CRYBG3: variants seen among roughly 807,000 people sequenced by gnomAD.
CRYBG3 encodes very large A-kinase anchor protein.
A neutral mutation model predicts 244.2 loss-of-function variants in CRYBG3; 127 were observed. The observed-to-expected ratio is 0.52, with a 90% CI of 0.45 to 0.60. The LOEUF is 0.60. Among genes scored for constraint, CRYBG3 ranks in the 20% least tolerant of loss-of-function variants. The probability of loss-of-function intolerance (pLI) is 0.00; values close to 1 mark genes in which losing one functional copy is unlikely to be tolerated. For synonymous variants in CRYBG3, 1,132 were observed against 1,195.8 expected, an observed-to-expected ratio of 0.95 and a Z score of 1.10; for missense variants, 3,325 against 3,442.5, an observed-to-expected ratio of 0.97 and a Z score of 0.85.
chr3:97,877,022 G>A lies in CRYBG3; in HGVS notation c.5828G>A (p.Gly1943Asp). ...ESPTLSKDYE[G>D]YPAPAMPDFQ... Reference sequence around the variant, plus strand: ...CCTACATTAAGTAAGGATTATGAGGGCTACCCAGCCCCAGCAATGCCAGAT... The same window carrying A: ...CCTACATTAAGTAAGGATTATGAGGACTACCCAGCCCCAGCAATGCCAGAT... The change falls in exon 4 of 22, where the codon GGC becomes GAC. Residue 1943 changes from glycine to aspartate, a missense_variant. Gly to Asp is a moderately conservative substitution (Grantham distance 94, BLOSUM62 -1). Around this residue, in one of 4 missense-constraint regions of CRYBG3, gnomAD observed 450 missense variants for 424.1 expected, o/e 1.06. Coordinates refer to ENST00000389622, the MANE Select transcript of CRYBG3 (RefSeq NM_153605.4). 2 of 1,568,286 alleles carry A rather than the reference G, an allele frequency of 1.3e-6. No homozygotes were observed. Among genetic ancestry groups the A allele is most frequent in the Non-Finnish European group, 1.7e-6 (2 of 1,158,836 alleles).
chr3:97,825,565 C>T (rs1028646125), intron 1 of CRYBG3, among the ~76,000 whole-genome samples: 2 of 152,136 alleles, frequency 1.3e-5, no homozygotes, highest in Non-Finnish European at 1.5e-5. Context: ...ATGCTATGGG[C>T]GTTTTGAATG....
At position 97,879,682 on chromosome 3, in the gene CRYBG3, T is replaced by C. The variant is rs1349617156; in HGVS notation, c.6844-22T>C. On this transcript the variant is annotated intron_variant, in intron 4 of 21. Transcript: ENST00000389622. ...TTCACCGATGTTTCTTAAAGCTTAC[T>C]TTTCCACTTTTATTATTTCAGAATG... is the stretch of plus-strand genomic sequence containing the variant. 9 of 1,574,148 alleles carry C rather than the reference T, an allele frequency of 5.7e-6. No individual in the cohort carries two copies. In the East Asian group the frequency reaches 2.0e-4, roughly 35 times the overall value.
intron 17 of CRYBG3, among the ~76,000 whole-genome samples, chr3:97,929,075 C>T (rs12497993): frequency 3.2e-4 from 48 of 151,894 alleles, no homozygotes; most frequent in African/African-American, 1.1e-3. Context: ...ACAATTTGGT[C>T]GAGTATTCTT....
In CRYBG3 at chr3:97,943,583, C is replaced by T. The variant is rs1263814413; in HGVS notation, c.*269C>T. ...ATCTCCAGCTGTGGTGAGCAAGTTT[C>T]CTGAAGTGTTTATTTTCTCTCATAT... On this transcript the variant is annotated 3_prime_UTR_variant, in exon 22 of 22. Transcript: ENST00000389622. 2 of 384,946 alleles carry T rather than the reference C, an allele frequency of 5.2e-6. No homozygotes were observed. The highest frequency in any genetic ancestry group is 6.1e-5 in the East Asian group (1 of 16,410). 23.8% of individuals were successfully genotyped at this position (384,946 alleles called of 1,614,324 possible).
At chr3:97,907,423 A>C (rs1189793278) in intron 15 of CRYBG3, among the ~76,000 whole-genome samples, 5 of 151,214 alleles carry the variant, frequency 3.3e-5, no homozygotes, top group South Asian at 2.1e-4. Flanking sequence ...ACAATTTCAG[A>C]TCCTGTTATT....
At chr3:97,900,332 A>G (rs773454032) in intron 14 of CRYBG3, 121 bp from the exon 15 acceptor site, 16 of 616,846 alleles carry the variant, frequency 2.6e-5, no homozygotes, top group Non-Finnish European at 4.7e-5. Context: ...TGGATAACAG[A>G]GGAATACTCT....
At chr3:97,885,945 G>A (rs2039502505) in intron 7 of CRYBG3, among the ~76,000 whole-genome samples, 1 of 152,174 alleles carries the variant, frequency 6.6e-6, no homozygotes, top group Non-Finnish European at 1.5e-5. Context: ...CAAGGGCTGT[G>A]ACAGTGGAAA....
chr3:97,936,916 GA>G lies in CRYBG3; in HGVS notation c.8505+12del, dbSNP rs747532114. On this transcript the variant is annotated intron_variant, in intron 19 of 21. Transcript: ENST00000389622. ...CTCCGTCCTATGAAGCAGGTAAGGA[GA>G]AAAGAACCATAAGATTCCAAATAGC... The G allele has an allele frequency of 9.3e-6, 15 of 1,609,664 alleles. No individual in the cohort carries two copies. Among genetic ancestry groups the G allele is most frequent in the Non-Finnish European group, 1.3e-5 (15 of 1,178,422 alleles).
At chr3:97,921,320 A>G (rs1265309808) in intron 17 of CRYBG3, among the ~76,000 whole-genome samples, 2 of 152,134 alleles carry the variant, frequency 1.3e-5, no homozygotes, top group African/African-American at 4.8e-5. Flanking sequence ...ACAGTTACTG[A>G]AACTGCAAAG....
At position 97,918,621 on chromosome 3, in the gene CRYBG3, C is replaced by T. The variant is rs547903222; in HGVS notation, c.8241+2885C>T. On this transcript the variant is annotated intron_variant, in intron 17 of 21. Transcript: ENST00000389622. ...CAGAAGGAATAATATCATGTATTAGCTTTCACAACAGTCTCCAGAATCATA... is the reference window on the plus strand; with the variant it reads ...CAGAAGGAATAATATCATGTATTAGTTTTCACAACAGTCTCCAGAATCATA... 2.6e-5 allele frequency among the ~76,000 whole-genome samples: 4 copies of T among 152,260 alleles called. No individual in the cohort carries two copies. The East Asian group carries it at 7.7e-4, about 29-fold the overall frequency.
rs1337256671 is a variant in CRYBG3 at position 97,898,968 on chromosome 3, A to G, written c.7787A>G (p.Asp2596Gly). The change falls in exon 13 of 22, where the codon GAT (aspartate) becomes GGT (glycine). Residue 2596 changes from aspartate to glycine, a missense_variant. Physicochemically the swap from Asp to Gly is moderately conservative, Grantham distance 94. Transcript: ENST00000389622. Reference sequence around the variant, plus strand: ...GACATTACAAATCAGGAAATTTCTGATTTGGAAGAAATTGGCTTTGGCAGT... The same window carrying G: ...GACATTACAAATCAGGAAATTTCTGGTTTGGAAGAAATTGGCTTTGGCAGT... ...FIDITNQEIS[D>G]LEEIGFGSKT... 6.2e-7 allele frequency: 1 copy of G among 1,613,006 alleles called. No individual in the cohort carries two copies. Among genetic ancestry groups the G allele is most frequent in the Non-Finnish European group, 8.5e-7 (1 of 1,179,394 alleles).
intron 18 of CRYBG3, among the ~76,000 whole-genome samples, chr3:97,935,763 T>A (rs2040157369): frequency 6.6e-6 from 1 of 152,080 alleles, no homozygotes; most frequent in Non-Finnish European, 1.5e-5. Context: ...ACCCTGTTCC[T>A]GAGCTCTGGT....
intron 20 of CRYBG3, 25 bp from the exon 21 acceptor site, chr3:97,942,259 A>G (rs376644632): frequency 4.4e-6 from 7 of 1,575,990 alleles, no homozygotes; most frequent in African/African-American, 1.4e-5. Context: ...ACTACTGCCA[A>G]TTAATCATTT....
chr3:97,894,851 A>G (rs1203583062), intron 11 of CRYBG3, among the ~76,000 whole-genome samples: 1 of 152,188 alleles, frequency 6.6e-6, no homozygotes, highest in African/African-American at 2.4e-5. Context: ...TATTACAGAT[A>G]TACTGAGATG....
intron 15 of CRYBG3, among the ~76,000 whole-genome samples, chr3:97,904,364 A>G (rs927180552): frequency 3.3e-5 from 5 of 152,180 alleles, no homozygotes; most frequent in African/African-American, 1.2e-4. Flanking sequence ...GACAAAGATT[A>G]TTTTAACCCA....
intron 2 of CRYBG3, among the ~76,000 whole-genome samples, chr3:97,851,307 T>C (rs1341875158): frequency 6.6e-6 from 1 of 152,166 alleles, no homozygotes; most frequent in Non-Finnish European, 1.5e-5. Flanking sequence ...TAGTAGAACA[T>C]TAACTAGAAT....
intron 2 of CRYBG3, among the ~76,000 whole-genome samples, chr3:97,859,854 T>C (rs2108197876): frequency 6.6e-6 from 1 of 152,316 alleles, no homozygotes; most frequent in South Asian, 2.1e-4. Flanking sequence ...TCTCCAATGC[T>C]AATACTTTGT....
intron 2 of CRYBG3, among the ~76,000 whole-genome samples, chr3:97,854,201 A>G (rs903835743): frequency 6.6e-6 from 1 of 152,138 alleles, no homozygotes; most frequent in Non-Finnish European, 1.5e-5. Context: ...TACCAGTACC[A>G]TGCTGTTTTG....
chr3:97,852,221 T>A (rs2038997139), intron 2 of CRYBG3, among the ~76,000 whole-genome samples: 1 of 152,176 alleles, frequency 6.6e-6, no homozygotes, highest in Non-Finnish European at 1.5e-5. Context: ...GCATGTTATA[T>A]GAGGGATGGC....
Sources: allele counts gnomAD v4.1 joint callset (sites outside exome capture counted in the v4.1 genomes callset), GRCh38; gene constraint gnomAD v4.1.1; regional missense constraint gnomAD v4.1.1; transcripts MANE v1.5; gene names NCBI Gene and HGNC (gene_info 2026-07-23, HGNC 2026-07-21).